CACNA2D3: variants seen among roughly 807,000 people sequenced by gnomAD.
The protein encoded by CACNA2D3 is calcium voltage-gated channel auxiliary subunit alpha2delta 3, also known as voltage-dependent calcium channel subunit alpha-2/delta-3.
In CACNA2D3, 60 loss-of-function variants were observed where a neutral mutation model predicts 160.6. That is an observed-to-expected ratio of 0.37 (90% CI 0.30 to 0.46). The LOEUF (loss-of-function observed/expected upper bound fraction) is 0.46. Among genes scored for constraint, CACNA2D3 ranks in the 20% least tolerant of loss-of-function variants. CACNA2D3 has a pLI of 1.00. For missense variants in CACNA2D3, 1,205 were observed against 1,365.0 expected, an observed-to-expected ratio of 0.88 and a Z score of 1.85; for synonymous variants, 558 against 492.9, an observed-to-expected ratio of 1.13 and a Z score of -1.75.
At chr3:54,275,429 A>G (rs974021828) in intron 2 of CACNA2D3, among the ~76,000 whole-genome samples, 1 of 151,870 alleles carries the variant, frequency 6.6e-6, no homozygotes, top group Non-Finnish European at 1.5e-5. Context: ...TAGAATTATA[A>G]GGAAACTCAA....
At chr3:54,552,202 GGGGGAC>G (rs1559510924) in intron 5 of CACNA2D3, among the ~76,000 whole-genome samples, 1 of 152,126 alleles carries the variant, frequency 6.6e-6, no homozygotes, top group Non-Finnish European at 1.5e-5. Context: ...AACTCTCGGA[GGGGGAC>G]TCCAAATTGG....
intron 4 of CACNA2D3, among the ~76,000 whole-genome samples, chr3:54,465,055 C>CT (rs1185366462): frequency 6.7e-5 from 10 of 149,872 alleles, no homozygotes; most frequent in South Asian, 4.2e-4. Flanking sequence ...TTTTCTTCTC[C>CT]TTTTTTTTTG....
At chr3:55,037,695 C>T (rs1703858805) in intron 35 of CACNA2D3, among the ~76,000 whole-genome samples, 1 of 152,170 alleles carries the variant, frequency 6.6e-6, no homozygotes, top group Non-Finnish European at 1.5e-5. Context: ...CATCTTCCAT[C>T]TCATTTTAGT....
chr3:54,195,446 A>C (rs940167911), intron 2 of CACNA2D3, among the ~76,000 whole-genome samples: 7 of 152,236 alleles, frequency 4.6e-5, no homozygotes, highest in African/African-American at 1.7e-4. Context: ...AATGATAGAC[A>C]CAAGCATCAT....
intron 2 of CACNA2D3, among the ~76,000 whole-genome samples, chr3:54,201,258 T>A (rs536377128): frequency 2.0e-3 from 311 of 152,344 alleles, no homozygotes; most frequent in Middle Eastern, 0.01. Flanking sequence ...CCAGAAAATT[T>A]GAAATTACAC....
intron 27 of CACNA2D3, among the ~76,000 whole-genome samples, chr3:54,945,642 T>C (rs1420868372): frequency 1.3e-5 from 2 of 152,192 alleles, no homozygotes; most frequent in East Asian, 3.9e-4. Context: ...CCCAATGGAA[T>C]CTCAAGCTTA....
intron 27 of CACNA2D3, among the ~76,000 whole-genome samples, chr3:54,929,838 C>T (rs976387356): frequency 5.3e-5 from 8 of 152,014 alleles, no homozygotes; most frequent in African/African-American, 9.7e-5. Context: ...CATACATAAC[C>T]ATCAATGGCC....
intron 13 of CACNA2D3, among the ~76,000 whole-genome samples, chr3:54,789,270 G>A (rs181580117): frequency 2.6e-5 from 4 of 152,220 alleles, no homozygotes. Context: ...TCCAAGATAT[G>A]TGTTTTAAAA....
intron 11 of CACNA2D3, among the ~76,000 whole-genome samples, chr3:54,644,702 C>G (rs1285106644): frequency 2.0e-5 from 3 of 152,220 alleles, no homozygotes; most frequent in African/African-American, 7.2e-5. Flanking sequence ...CTTGAGTGAG[C>G]TTCGGGATCA....
At chr3:55,000,080 A>G (rs1031382424) in intron 31 of CACNA2D3, among the ~76,000 whole-genome samples, 1 of 152,122 alleles carries the variant, frequency 6.6e-6, no homozygotes, top group Non-Finnish European at 1.5e-5. Flanking sequence ...GTTATCTGTA[A>G]TAAGAATACA....
At chr3:54,132,021 T>G (rs1391176360) in intron 2 of CACNA2D3, among the ~76,000 whole-genome samples, 2 of 152,232 alleles carry the variant, frequency 1.3e-5, no homozygotes, top group East Asian at 3.8e-4. Context: ...ATTTACTGGA[T>G]TCAGGTAATC....
At chr3:55,033,864 A>C (rs796897193) in intron 35 of CACNA2D3, among the ~76,000 whole-genome samples, 2 of 91,606 alleles carry the variant, frequency 2.2e-5, no homozygotes, top group Non-Finnish European at 4.2e-5. Context: ...AATATATTTA[A>C]TATATAATAT....
intron 2 of CACNA2D3, among the ~76,000 whole-genome samples, chr3:54,310,401 G>A (rs962790798): frequency 6.6e-6 from 1 of 152,146 alleles, no homozygotes; most frequent in Non-Finnish European, 1.5e-5. Flanking sequence ...ATAAGAAAAC[G>A]ACGCTGTCTG....
At chr3:54,673,685 A>G (rs772788301) in intron 11 of CACNA2D3, among the ~76,000 whole-genome samples, 8 of 152,270 alleles carry the variant, frequency 5.3e-5, no homozygotes, top group Non-Finnish European at 1.0e-4. Flanking sequence ...TATCAAAGGT[A>G]ATATCTGGTA....
intron 2 of CACNA2D3, among the ~76,000 whole-genome samples, chr3:54,265,675 TGTATATATATATAGTGTGG>T (rs1450726628): frequency 9.7e-5 from 14 of 144,158 alleles, no homozygotes; most frequent in East Asian, 6.5e-4. Flanking sequence ...ATATAGTGTG[TGTATATATATATAGTGTGG>T]GTATATATAG....
In CACNA2D3 at chr3:54,122,844, C is replaced by G. The variant is rs1461744295; in HGVS notation, c.122+9C>G. 2 of 1,227,564 alleles carry G rather than the reference C, an allele frequency of 1.6e-6. No homozygotes were observed. The highest frequency in any genetic ancestry group is 1.0e-6 in the Non-Finnish European group (1 of 979,992). 76.0% of individuals were successfully genotyped at this position (1,227,564 alleles called of 1,614,324 possible). On this transcript the variant is annotated intron_variant, in intron 1 of 37. Coordinates refer to ENST00000474759, the MANE Select transcript of CACNA2D3 (RefSeq NM_018398.3). ...CAGATACCGCTCTCCGTGTAAGTGC[C>G]GGCTCCTGCGCCGCCCGGGGAGGGG...
At chr3:54,227,252 G>A (rs548642287) in intron 2 of CACNA2D3, among the ~76,000 whole-genome samples, 1 of 152,144 alleles carries the variant, frequency 6.6e-6, no homozygotes, top group South Asian at 2.1e-4. Context: ...TGGGTGTTTG[G>A]CACCGGGAGA....
chr3:54,181,035 A>G lies in CACNA2D3; in HGVS notation c.204+57441A>G, dbSNP rs559985888. On this transcript the variant is annotated intron_variant, in intron 2 of 37. Transcript: ENST00000474759. ...TTAGGGTTCCTGCCCCCCACCATAT[A>G]TAACAGGAGGCTTCCCTCTTCTCTG... Among the ~76,000 whole-genome samples, 20 of 152,288 alleles carry G rather than the reference A, an allele frequency of 1.3e-4. No individual in the cohort carries two copies. The South Asian group carries it at 3.9e-3, about 30-fold the overall frequency.
intron 4 of CACNA2D3, among the ~76,000 whole-genome samples, chr3:54,443,799 C>T (rs575045708): frequency 6.6e-6 from 1 of 152,340 alleles, no homozygotes; most frequent in East Asian, 1.9e-4. Context: ...TTCACGGTTT[C>T]TTCCTTTGAT....
Sources: allele counts gnomAD v4.1 joint callset (sites outside exome capture counted in the v4.1 genomes callset), GRCh38; gene constraint gnomAD v4.1.1; transcripts MANE v1.5; gene names NCBI Gene and HGNC (gene_info 2026-07-23, HGNC 2026-07-21).